ARL6IP6: variants seen among roughly 807,000 people sequenced by gnomAD.
ARL6IP6 encodes ARF like GTPase 6 interacting protein 6.
A neutral mutation model predicts 21.5 loss-of-function variants in ARL6IP6; 22 were observed. That is an observed-to-expected ratio of 1.02 (90% CI 0.73 to 1.46). The LOEUF is 1.46. Among genes scored for constraint, ARL6IP6 ranks in the 40% most tolerant of loss-of-function variants. ARL6IP6 has a pLI of 0.00. For synonymous variants in ARL6IP6, 164 were observed against 125.3 expected (o/e 1.31, Z -2.06); for missense variants, 388 against 299.8 (o/e 1.29, Z -2.17).
intron 2 of ARL6IP6, among the ~76,000 whole-genome samples, chr2:152,721,113 A>G (rs1699770263): frequency 6.6e-6 from 1 of 152,176 alleles, no homozygotes; most frequent in Non-Finnish European, 1.5e-5. Context: ...TAATTTTTTT[A>G]ATGGGTACTG....
intron 3 of ARL6IP6, among the ~76,000 whole-genome samples, chr2:152,748,852 A>G (rs1468790956): frequency 6.6e-6 from 1 of 152,220 alleles, no homozygotes; most frequent in Non-Finnish European, 1.5e-5. Context: ...GGTGTTTAGT[A>G]TTGTAGTATA....
chr2:152,749,219 A>G (rs1167006649), intron 3 of ARL6IP6, among the ~76,000 whole-genome samples: 3 of 152,068 alleles, frequency 2.0e-5, no homozygotes, highest in Non-Finnish European at 4.4e-5. Flanking sequence ...AACAAAGTCT[A>G]GATATAAATA....
At chr2:152,720,315 C>T in intron 1 of ARL6IP6, 4 of 571,550 alleles carry the variant, frequency 7.0e-6, no homozygotes, top group South Asian at 4.1e-5. Flanking sequence ...ACAGTACTCT[C>T]ATCCTATGTA....
At chr2:152,718,600 C>A, upstream of ARL6IP6, 1 of 1,501,732 alleles carries the variant, frequency 6.7e-7, no homozygotes, top group Non-Finnish European at 8.9e-7. Context: ...GCTCGTTCTC[C>A]GCGGGTTTCG....
intron 3 of ARL6IP6, among the ~76,000 whole-genome samples, chr2:152,735,826 ATACT>A (rs10552048): frequency 0.62 from 94,455 of 151,296 alleles, 29,735 homozygotes; most frequent in East Asian, 0.72. Context: ...TGTTATTCTA[ATACT>A]TACTATTGTT....
intron 3 of ARL6IP6, among the ~76,000 whole-genome samples, chr2:152,755,494 G>A (rs1192754331): frequency 1.3e-5 from 2 of 152,176 alleles, no homozygotes; most frequent in Non-Finnish European, 2.9e-5. Flanking sequence ...CTGCCTTTTA[G>A]ATAGCAGTAG....
intron 3 of ARL6IP6, among the ~76,000 whole-genome samples, chr2:152,743,796 A>C (rs1241243156): frequency 6.6e-6 from 1 of 152,216 alleles, no homozygotes; most frequent in Non-Finnish European, 1.5e-5. Context: ...GATCAAAGGT[A>C]TATAAAAGTA....
chr2:152,723,583 C>CT (rs1356844028), intron 2 of ARL6IP6, among the ~76,000 whole-genome samples: 1 of 152,048 alleles, frequency 6.6e-6, no homozygotes, highest in African/African-American at 2.4e-5. Flanking sequence ...AGTTCTCTTT[C>CT]TTTTTCTAGA....
intron 2 of ARL6IP6, among the ~76,000 whole-genome samples, chr2:152,727,316 TAC>T (rs1199601334): frequency 7.2e-5 from 11 of 152,368 alleles, no homozygotes; most frequent in Non-Finnish European, 1.5e-4. Flanking sequence ...TGCACAGCTG[TAC>T]AGTGTCCTTT....
intron 3 of ARL6IP6, among the ~76,000 whole-genome samples, chr2:152,744,018 C>G (rs1051495453): frequency 6.6e-6 from 1 of 152,114 alleles, no homozygotes; most frequent in African/African-American, 2.4e-5. Context: ...CTGAATCTTA[C>G]AAGTGAACAT....
At chr2:152,719,750 GAA>G (rs11328553) in intron 1 of ARL6IP6, 8,753 of 253,292 alleles carry the variant, frequency 0.035, 44 homozygotes, top group South Asian at 0.045. Context: ...CCAAGTTACT[GAA>G]AAAAAAAAAA....
At chr2:152,728,861 C>G (rs1700167708) in intron 2 of ARL6IP6, among the ~76,000 whole-genome samples, 1 of 152,182 alleles carries the variant, frequency 6.6e-6, no homozygotes, top group South Asian at 2.1e-4. Context: ...GAGATCAAGA[C>G]CAGCCTGGCC....
intron 3 of ARL6IP6, among the ~76,000 whole-genome samples, chr2:152,744,390 C>G (rs1700952433): frequency 6.6e-6 from 1 of 152,078 alleles, no homozygotes. Context: ...TGAATTTACT[C>G]TTACATTTTT....
At position 152,735,012 on chromosome 2, in the gene ARL6IP6, T is replaced by A. The variant is rs768975983; in HGVS notation, c.473T>A (p.Ile158Lys). The change falls in exon 3 of 4, where the codon ATA (isoleucine) becomes AAA (lysine). Residue 158 changes from isoleucine to lysine, a missense_variant. By Grantham distance (102) the Ile-to-Lys change is moderately radical (BLOSUM62 -3). Transcript: ENST00000326446. ...TGLLGFWTLL[I>K]ISLTAGFSCC... Reference sequence around the variant, plus strand: ...TGTTAAGGATTCTGGACTCTACTTATAATATCCCTAACTGCTGGATTCTCC... The same window carrying A: ...TGTTAAGGATTCTGGACTCTACTTAAAATATCCCTAACTGCTGGATTCTCC... 2 of 1,613,150 alleles carry A rather than the reference T, an allele frequency of 1.2e-6. No individual in the cohort carries two copies. Among genetic ancestry groups the A allele is most frequent in the Non-Finnish European group, 1.7e-6 (2 of 1,179,148 alleles).
intron 3 of ARL6IP6, 52 bp from the exon 4 acceptor site, chr2:152,759,695 T>TTA (rs1701742061): frequency 6.8e-7 from 1 of 1,460,688 alleles, no homozygotes; most frequent in African/African-American, 1.4e-5. Context: ...GGTGTCTTTG[T>TTA]TATACCACGT....
chr2:152,739,406 CA>C (rs1171961121), intron 3 of ARL6IP6, among the ~76,000 whole-genome samples: 2 of 152,202 alleles, frequency 1.3e-5, no homozygotes, highest in Non-Finnish European at 2.9e-5. Context: ...ATCTCTAGAG[CA>C]GGGGCAGAAT....
chr2:152,738,812 C>T (rs1214858759), intron 3 of ARL6IP6, among the ~76,000 whole-genome samples: 1 of 152,090 alleles, frequency 6.6e-6, no homozygotes, highest in Non-Finnish European at 1.5e-5. Context: ...ACATTTGGCT[C>T]CTCATTATTT....
intron 2 of ARL6IP6, among the ~76,000 whole-genome samples, chr2:152,721,214 A>G (rs548372604): frequency 1.3e-5 from 2 of 152,334 alleles, no homozygotes; most frequent in Non-Finnish European, 2.9e-5. Context: ...TTTTCTAATT[A>G]CCTTCTGGAA....
chr2:152,743,743 G>A (rs561042354), intron 3 of ARL6IP6, among the ~76,000 whole-genome samples: 3 of 152,204 alleles, frequency 2.0e-5, no homozygotes, highest in Admixed American at 2.0e-4. Context: ...TATATAAATG[G>A]AAATAAAGTA....
Sources: gnomAD v4.1 joint callset for allele counts (sites outside exome capture counted in the v4.1 genomes callset) on GRCh38, gnomAD v4.1.1 for gene constraint, MANE v1.5 for transcripts, NCBI Gene and HGNC (gene_info 2026-07-23, HGNC 2026-07-21) for gene names.